The following ALDH5A1 variants were observed in gnomAD, a reference collection of about 807,000 sequenced individuals.
The protein encoded by ALDH5A1 is succinate-semialdehyde dehydrogenase, mitochondrial.
A neutral mutation model predicts 54.7 loss-of-function variants in ALDH5A1; 33 were observed. That is an observed-to-expected ratio of 0.60 (90% CI 0.46 to 0.81). The LOEUF (loss-of-function observed/expected upper bound fraction) is 0.81, where lower values mean the gene tolerates loss of function less well. Among genes scored for constraint, ALDH5A1 ranks in the 30% least tolerant of loss-of-function variants. ALDH5A1 has a pLI of 0.00. For synonymous variants in ALDH5A1, 294 were observed against 292.7 expected (o/e 1.00, Z -0.05); for missense variants, 657 against 711.0 (o/e 0.92, Z 0.86).
chr6:24,504,097 G>C (rs1759272583), intron 3 of ALDH5A1, among the ~76,000 whole-genome samples: 1 of 152,142 alleles, frequency 6.6e-6, no homozygotes, highest in Non-Finnish European at 1.5e-5. Context: ...TGATTGCCTA[G>C]ACTGGCTAGG....
chr6:24,515,122 CAG>C, intron 4 of ALDH5A1, 43 bp from the exon 5 acceptor site: 1 of 512,322 alleles, frequency 2.0e-6, no homozygotes. Context: ...TTTTTTTTTT[CAG>C]TTTGGTAAAT....
Position 24,537,156 on chromosome 6 carries a change from G to C in ALDH5A1, c.*3444G>C, listed in dbSNP as rs1760067569. The stretch of plus-strand genomic sequence containing the variant: ...TGTGTGTTTTAGTGTCTAGTCTGCA[G>C]AGAGCTGTGTGATTAATAAACGTGG... On this transcript the variant is annotated 3_prime_UTR_variant, in exon 10 of 10. Coordinates refer to ENST00000357578, the MANE Select transcript of ALDH5A1 (RefSeq NM_001080.3). 1 of 152,580 alleles carries C rather than the reference G, an allele frequency of 6.6e-6. No homozygotes were observed. Among genetic ancestry groups the C allele is most frequent in the African/African-American group, 2.4e-5 (1 of 41,426 alleles). 9.5% of individuals were successfully genotyped at this position (152,580 alleles called of 1,614,324 possible). A position where few individuals can be genotyped will look rare whatever the true frequency, so the allele number is the denominator to read the frequency against.
chr6:24,495,026 T>A lies in ALDH5A1; in HGVS notation c.30T>A (p.Cys10Ter). 1 of 1,343,244 alleles carries A rather than the reference T, an allele frequency of 7.4e-7. No individual in the cohort carries two copies. Among genetic ancestry groups the A allele is most frequent in the Non-Finnish European group, 9.5e-7 (1 of 1,050,572 alleles). 83.2% of individuals were successfully genotyped at this position (1,343,244 alleles called of 1,614,324 possible). Reference protein sequence around the residue: MATCIWLRSCGARRLGSTFP... With the variant: MATCIWLRS ...CGACCTGCATTTGGCTGCGGAGCTG[T>A]GGGGCCCGGCGCCTCGGGTCGACGT... Residue 10 changes from cysteine to a stop codon, truncating the protein, a stop_gained, in exon 1 of 10, where the codon TGT becomes TGA. Coordinates refer to ENST00000357578, the MANE Select transcript of ALDH5A1 (RefSeq NM_001080.3). LOFTEE classifies it high-confidence loss of function.
At chr6:24,533,360 A>G in intron 9 of ALDH5A1, 147 bp from the exon 10 acceptor site, 1 of 826,464 alleles carries the variant, frequency 1.2e-6, no homozygotes, top group African/African-American at 1.7e-5. Context: ...AAAGTGGACA[A>G]GACCAACCTG....
chr6:24,511,526 T>G (rs1224079127), intron 4 of ALDH5A1, among the ~76,000 whole-genome samples: 2 of 152,150 alleles, frequency 1.3e-5, no homozygotes, highest in Non-Finnish European at 2.9e-5. Context: ...TTCTTATGCT[T>G]TTTTCTTTGT....
rs1759977342 is a variant in ALDH5A1, at chr6:24,533,542, A to G, written c.1438A>G (p.Arg480Gly). ...CTCTCAAGACCCAGCCCAGATCTGG[A>G]GAGTGGCAGAGCAGCTGGAAGTGGG... ...FYSQDPAQIW[R>G]VAEQLEVGMV... is the part of the protein sequence containing the mutation. The change falls in exon 10 of 10, where the codon AGA becomes GGA. Residue 480 changes from arginine (R) to glycine (G), a missense_variant. Arg to Gly is a moderately radical substitution (Grantham distance 125). This residue lies in a region of ALDH5A1 where 425 missense variants were observed against 516.4 expected (regional missense o/e 0.82). Coordinates refer to ENST00000357578, the MANE Select transcript of ALDH5A1 (RefSeq NM_001080.3). 6.2e-7 allele frequency: 1 copy of G among 1,614,000 alleles called. No homozygotes were observed. The highest frequency in any genetic ancestry group is 1.7e-5 in the Admixed American group (1 of 59,996).
chr6:24,530,582 G>A (rs1378230368), intron 8 of ALDH5A1, among the ~76,000 whole-genome samples: 1 of 152,100 alleles, frequency 6.6e-6, no homozygotes, highest in African/African-American at 2.4e-5. Context: ...ACATTTGGAG[G>A]GCAAAGGGTT....
intron 4 of ALDH5A1, among the ~76,000 whole-genome samples, chr6:24,510,309 G>T (rs1294998014): frequency 6.6e-6 from 1 of 152,134 alleles, no homozygotes; most frequent in African/African-American, 2.4e-5. Context: ...GTAAATATCT[G>T]CTAAGTCCAT....
At position 24,527,882 on chromosome 6, in the gene ALDH5A1, T is replaced by C. The variant is rs997895563; in HGVS notation, c.1174-115T>C. ...AAAGGAAACCAGCATGCTTTATTGT[T>C]AACCTACTTTTTTTGAAAAAGAAAA... is the stretch of plus-strand genomic sequence containing the variant. On this transcript the variant is annotated intron_variant, in intron 7 of 9. Coordinates refer to ENST00000357578, the MANE Select transcript of ALDH5A1 (RefSeq NM_001080.3). The C allele has an allele frequency of 1.1e-5, 13 of 1,203,650 alleles. No individual in the cohort carries two copies. In the East Asian group the frequency reaches 2.9e-4, roughly 27 times the overall value. The allele number at this position is 1,203,650 out of a possible 1,614,324, so 74.6% of individuals were successfully genotyped here. A position where few individuals can be genotyped will look rare whatever the true frequency, so the allele number is the denominator to read the frequency against.
In ALDH5A1 at chr6:24,495,008, C is replaced by G. The variant is rs764183507; in HGVS notation, c.12C>G (p.Cys4Trp). 5 of 1,325,906 alleles carry G rather than the reference C, an allele frequency of 3.8e-6. No individual in the cohort carries two copies. In the South Asian group the frequency reaches 1.3e-4, roughly 33 times the overall value. The allele number at this position is 1,325,906 out of a possible 1,614,324, so 82.1% of individuals were successfully genotyped here. Reference protein sequence around the residue: MATCIWLRSCGARR... With the variant: MATWIWLRSCGARR... The stretch of plus-strand genomic sequence containing the variant: ...TCGTTGCCCGGGCCATGGCGACCTG[C>G]ATTTGGCTGCGGAGCTGTGGGGCCC... The change falls in exon 1 of 10, where the codon TGC (cysteine) becomes TGG (tryptophan). Residue 4 changes from cysteine to tryptophan, a missense_variant. Cys to Trp is a radical substitution (Grantham distance 215). Around this residue, in one of 2 missense-constraint regions of ALDH5A1, gnomAD observed 232 missense variants for 194.6 expected, o/e 1.19. Transcript: ENST00000357578.
intron 5 of ALDH5A1, 86 bp from the exon 6 acceptor site, chr6:24,520,315 C>T (rs1314264153): frequency 1.3e-6 from 2 of 1,562,676 alleles, no homozygotes; most frequent in Non-Finnish European, 1.8e-6. Context: ...TTGCTTTTTT[C>T]ACCATTTGGT....
chr6:24,530,404 G>A (rs974702057), intron 8 of ALDH5A1, among the ~76,000 whole-genome samples: 10 of 151,874 alleles, frequency 6.6e-5, no homozygotes, highest in African/African-American at 1.5e-4. Context: ...TCTGTCTCCC[G>A]TGGTATAGGT....
chr6:24,503,422 G>A lies in ALDH5A1; in HGVS notation c.598G>A (p.Val200Ile). 2 of 1,612,828 alleles carry A rather than the reference G, an allele frequency of 1.2e-6. No individual in the cohort carries two copies. The highest frequency in any genetic ancestry group is 1.7e-6 in the Non-Finnish European group (2 of 1,179,934). Residue 200 changes from valine (V) to isoleucine (I), a missense_variant, in exon 3 of 10, where the codon GTC becomes ATC. Physicochemically the swap from Val to Ile is conservative, Grantham distance 29. Around this residue, in one of 2 missense-constraint regions of ALDH5A1, gnomAD observed 425 missense variants for 516.4 expected, o/e 0.82. Transcript: ENST00000357578. ...VLKQPIGVAA[V>I]ITPWNFPSAM... ...CAAGCAGCCCATAGGCGTGGCTGCA[G>A]TCATCACCCCGGTAGGTGACAGGAT... is the stretch of plus-strand genomic sequence containing the variant.
At chr6:24,516,537 G>T (rs78837516) in intron 5 of ALDH5A1, among the ~76,000 whole-genome samples, 3,043 of 151,730 alleles carry the variant, frequency 0.02, 78 homozygotes, top group African/African-American at 0.059. Context: ...TTTTGTTTAT[G>T]GTGTTTCTCT....
intron 3 of ALDH5A1, 39 bp from the exon 4 acceptor site, chr6:24,504,830 C>T (rs779318371): frequency 3.8e-6 from 6 of 1,575,516 alleles, no homozygotes; most frequent in Non-Finnish European, 5.2e-6. Context: ...AGGAGGTGGT[C>T]CTTCCTCTCA....
chr6:24,525,775 C>T (rs768363345), intron 7 of ALDH5A1, among the ~76,000 whole-genome samples: 5 of 152,002 alleles, frequency 3.3e-5, no homozygotes, highest in Admixed American at 6.6e-5. Flanking sequence ...CCATTTTAAA[C>T]GACAGAGCCT....
At chr6:24,533,430 A>G (rs1430649468) in intron 9 of ALDH5A1, 77 bp from the exon 10 acceptor site, 30 of 1,482,574 alleles carry the variant, frequency 2.0e-5, no homozygotes, top group Non-Finnish European at 2.5e-5. Flanking sequence ...AAAGTCATCA[A>G]TGGTGCCCTC....
At chr6:24,504,671 T>C (rs1050687496) in intron 3 of ALDH5A1, among the ~76,000 whole-genome samples, 198 bp from the exon 4 acceptor site, 1 of 152,256 alleles carries the variant, frequency 6.6e-6, no homozygotes, top group East Asian at 1.9e-4. Flanking sequence ...AAATATTTCC[T>C]GTCTTCAAGA....
chr6:24,515,030 A>T, intron 4 of ALDH5A1, 137 bp from the exon 5 acceptor site: 1 of 829,324 alleles, frequency 1.2e-6, no homozygotes, highest in Non-Finnish European at 1.9e-6. Context: ...ATATATTCTT[A>T]GTCTGTCCCC....
Sources: allele counts gnomAD v4.1 joint callset (sites outside exome capture counted in the v4.1 genomes callset), GRCh38; gene constraint gnomAD v4.1.1; regional missense constraint gnomAD v4.1.1; transcripts MANE v1.5; gene names NCBI Gene and HGNC (gene_info 2026-07-23, HGNC 2026-07-21).